CELSR1: variants seen among roughly 807,000 people sequenced by gnomAD.
CELSR1 encodes cadherin EGF LAG seven-pass G-type receptor 1.
Under a neutral mutation model 249.1 loss-of-function variants are expected in CELSR1, and 110 were observed. That is an observed-to-expected ratio of 0.44 (90% CI 0.38 to 0.52). CELSR1 has a LOEUF of 0.52. Ranked by LOEUF, CELSR1 falls within the 20% of genes least tolerant of loss-of-function variation. CELSR1 has a pLI of 0.00. For missense variants in CELSR1, 4,109 were observed against 4,296.4 expected (o/e 0.96, Z 1.22); for synonymous variants, 2,113 against 1,900.0 (o/e 1.11, Z -2.92).
intron 25 of CELSR1, among the ~76,000 whole-genome samples, chr22:46,371,065 G>A (rs940983130): frequency 6.6e-6 from 1 of 152,198 alleles, no homozygotes; most frequent in African/African-American, 2.4e-5. Context: ...CTCACAGTAA[G>A]CACCTAATCT....
Position 46,405,323 on chromosome 22 carries a change from C to T in CELSR1, c.5226+3673G>A, listed in dbSNP as rs553977894. On this transcript the variant is annotated intron_variant, in intron 9 of 34. Coordinates refer to ENST00000674500, the MANE Select transcript of CELSR1 (RefSeq NM_001378328.1). ...AAAATACAAAAAATTAGCCAGGCGT[C>T]GTGGCAGGGGCCTGTAGCCCCAACT... 5.3e-5 allele frequency among the ~76,000 whole-genome samples: 8 copies of T among 151,344 alleles called. No homozygotes were observed. In the East Asian group the frequency reaches 1.6e-3, roughly 30 times the overall value.
intron 1 of CELSR1, among the ~76,000 whole-genome samples, chr22:46,521,056 T>C (rs2080680139): frequency 6.6e-6 from 1 of 152,198 alleles, no homozygotes; most frequent in Non-Finnish European, 1.5e-5. Flanking sequence ...TGTCAGAATT[T>C]CCGTCCTTTT....
rs1223564654 is a variant in CELSR1 at position 46,441,763 on chromosome 22, A to G, written c.4184-2352T>C. Among the ~76,000 whole-genome samples, 1 of 152,242 alleles carries G rather than the reference A, an allele frequency of 6.6e-6. No homozygotes were observed. The highest frequency in any genetic ancestry group is 2.4e-5 in the African/African-American group (1 of 41,468). ...CCTGGGGCATAGGGCTTCAATGTAG[A>G]AATTTATGAGGGCACCATTCTGTCC... On this transcript the variant is annotated intron_variant, in intron 2 of 34. Transcript: ENST00000674500. This position sits in a 1 kb window ranked among gnomAD's most constrained non-coding sequence, Gnocchi z 6.1.
chr22:46,535,260 AC>A lies in CELSR1; in HGVS notation c.1910del (p.Gly637ValfsTer31). The A allele has an allele frequency of 6.2e-7, 1 of 1,610,208 alleles. No individual in the cohort carries two copies. ...DFPFQIHNSS[G>X]WITVCAELDR... ...CCAGCTCGGCACACACTGTGATCCA[AC>A]CGGAGCTGTTGTGGATCTGGAAGGG... On this transcript the variant is annotated frameshift_variant, in exon 1 of 35. Transcript: ENST00000674500. LOFTEE classifies it high-confidence loss of function.
At position 46,529,862 on chromosome 22, in the gene CELSR1, T is replaced by A. The variant is rs200036626; in HGVS notation, c.3544+3765A>T. Reference sequence around the variant, plus strand: ...CCAACAGTGAGACTACAGTCAATAATAATTTAATTGTACATTCAAAAATAA... The same window carrying A: ...CCAACAGTGAGACTACAGTCAATAAAAATTTAATTGTACATTCAAAAATAA... On this transcript the variant is annotated intron_variant, in intron 1 of 34. Coordinates refer to ENST00000674500, the MANE Select transcript of CELSR1 (RefSeq NM_001378328.1). 3.3e-5 allele frequency among the ~76,000 whole-genome samples: 5 copies of A among 151,600 alleles called. No homozygotes were observed. The East Asian group carries it at 9.7e-4, about 29-fold the overall frequency.
intron 27 of CELSR1, among the ~76,000 whole-genome samples, chr22:46,368,110 G>A (rs2078808185): frequency 6.6e-6 from 1 of 152,172 alleles, no homozygotes; most frequent in South Asian, 2.1e-4. Context: ...GAGAAAACAG[G>A]AGCTGTGAGG....
intron 25 of CELSR1, 122 bp from the exon 26 acceptor site, chr22:46,369,926 G>C (rs9627428): frequency 0.1 from 86,237 of 825,530 alleles, 8,154 homozygotes; most frequent in African/African-American, 0.42. Context: ...AGAGGAAGGA[G>C]CAAGGAGTCC....
chr22:46,536,355 G>T lies in CELSR1; in HGVS notation c.816C>A (p.Thr272=). 6.2e-7 allele frequency: 1 copy of T among 1,612,336 alleles called. No homozygotes were observed. The highest frequency in any genetic ancestry group is 8.5e-7 in the Non-Finnish European group (1 of 1,179,506). ...TLILQLHAHY[T]IEGEEERVSY... ...TCACGCGCTCCTCCTCGCCCTCGATGGTGTAGTGCGCGTGCAGCTGGAGGA... is the reference window on the plus strand; with the variant it reads ...TCACGCGCTCCTCCTCGCCCTCGATTGTGTAGTGCGCGTGCAGCTGGAGGA... The change falls in exon 1 of 35, where the codon ACC becomes ACA. Residue 272 remains threonine, a synonymous_variant. Transcript: ENST00000674500.
rs372343268 is a variant in CELSR1 at position 46,503,347 on chromosome 22, C to T, written c.3544+30280G>A. On this transcript the variant is annotated intron_variant, in intron 1 of 34. Coordinates refer to ENST00000674500, the MANE Select transcript of CELSR1 (RefSeq NM_001378328.1). The stretch of plus-strand genomic sequence containing the variant: ...AGGGCAGCTGAGAGGGTGCTGAGCA[C>T]GCAGGACGGGAGCCACACCTGTACT... Among the ~76,000 whole-genome samples, 31 of 152,328 alleles carry T rather than the reference C, an allele frequency of 2.0e-4. 1 individual carries two copies. Among genetic ancestry groups the T allele is most frequent in the Admixed American group, 5.2e-4 (8 of 15,296 alleles).
chr22:46,386,236 C>A (rs912887647), intron 19 of CELSR1, among the ~76,000 whole-genome samples, 166 bp downstream of exon 19: 15 of 152,204 alleles, frequency 9.9e-5, no homozygotes, highest in Admixed American at 7.9e-4. Context: ...TCCCAAAGTG[C>A]TGGGATTACA....
chr22:46,451,301 C>T (rs899568173), intron 2 of CELSR1, among the ~76,000 whole-genome samples: 5 of 152,174 alleles, frequency 3.3e-5, no homozygotes, highest in Admixed American at 6.5e-5. Flanking sequence ...CAGGGGAGCC[C>T]GGCACTGCAG....
intron 23 of CELSR1, among the ~76,000 whole-genome samples, chr22:46,378,358 T>C (rs924273172): frequency 2.3e-4 from 35 of 152,328 alleles, no homozygotes; most frequent in Admixed American, 3.3e-4. Context: ...AATGGGGCTT[T>C]GTTATGGAAA....
rs903394714 is a variant in CELSR1, at chr22:46,472,432, C to T, written c.3545-8087G>A. On this transcript the variant is annotated intron_variant, in intron 1 of 34. Coordinates refer to ENST00000674500, the MANE Select transcript of CELSR1 (RefSeq NM_001378328.1). The surrounding 1 kb of genome is among the most constrained non-coding windows in gnomAD (Gnocchi z 7.0). ...GGGACAGGGGACAGTGCCGCAGTTCCGAGACTCGGTGGCAGGTGATTGGCG... is the reference window on the plus strand; with the variant it reads ...GGGACAGGGGACAGTGCCGCAGTTCTGAGACTCGGTGGCAGGTGATTGGCG... Among the ~76,000 whole-genome samples, 9 of 152,072 alleles carry T rather than the reference C, an allele frequency of 5.9e-5. No homozygotes were observed. Among genetic ancestry groups the T allele is most frequent in the South Asian group, 2.1e-4 (1 of 4,810 alleles).
intron 22 of CELSR1, among the ~76,000 whole-genome samples, chr22:46,379,334 C>T (rs752342158): frequency 9.2e-5 from 14 of 152,182 alleles, no homozygotes; most frequent in Non-Finnish European, 1.9e-4. Flanking sequence ...GCCCTGCCCT[C>T]GCAGACTCTG....
chr22:46,537,202 G>T lies in CELSR1; in HGVS notation c.-32C>A. The T allele has an allele frequency of 9.8e-7, 1 of 1,017,420 alleles. No homozygotes were observed. The highest frequency in any genetic ancestry group is 4.5e-5 in the South Asian group (1 of 22,404). The allele number at this position is 1,017,420 out of a possible 1,614,324, so 63.0% of individuals were successfully genotyped here. ...GAGCCCGAGCCCGAGCCGGGCGCCC[G>T]AACACAATCCATGCACCCGGCGCGC... On this transcript the variant is annotated 5_prime_UTR_variant, in exon 1 of 35. Transcript: ENST00000674500. This position sits in a 1 kb window ranked among gnomAD's most constrained non-coding sequence, Gnocchi z 5.8.
At chr22:46,476,997 T>C (rs1230267129) in intron 1 of CELSR1, among the ~76,000 whole-genome samples, 4 of 152,214 alleles carry the variant, frequency 2.6e-5, no homozygotes, top group Admixed American at 2.0e-4. Flanking sequence ...TTGTCTTATT[T>C]TGGCGTGACA....
At position 46,446,614 on chromosome 22, in the gene CELSR1, G is replaced by C. The variant is rs977032130; in HGVS notation, c.4184-7203C>G. 4.1e-5 allele frequency among the ~76,000 whole-genome samples: 6 copies of C among 148,004 alleles called. No individual in the cohort carries two copies. The highest frequency in any genetic ancestry group is 7.4e-5 in the Non-Finnish European group (5 of 67,974). On this transcript the variant is annotated intron_variant, in intron 2 of 34. Transcript: ENST00000674500. This position sits in a 1 kb window ranked among gnomAD's most constrained non-coding sequence, Gnocchi z 5.5. ...GCAGGGAGGGTCGCAGGGGGTCGGT[G>C]GGGGGGAAAGCTGGGTCCATAGCAG... is the stretch of plus-strand genomic sequence containing the variant.
At chr22:46,507,827 C>T (rs1027660158) in intron 1 of CELSR1, among the ~76,000 whole-genome samples, 1 of 151,650 alleles carries the variant, frequency 6.6e-6, no homozygotes, top group African/African-American at 2.4e-5. Flanking sequence ...CAGAACCTAA[C>T]ACAGCCCAGA....
At chr22:46,496,031 T>C (rs529931842) in intron 1 of CELSR1, among the ~76,000 whole-genome samples, 2 of 150,746 alleles carry the variant, frequency 1.3e-5, no homozygotes, top group African/African-American at 2.4e-5. Context: ...CTGTCTCTAC[T>C]AAAAATATAA....
Sources: gnomAD v4.1 joint callset for allele counts (sites outside exome capture counted in the v4.1 genomes callset) on GRCh38, gnomAD v4.1.1 for gene constraint, Gnocchi (gnomAD v3.1) non-coding constraint, MANE v1.5 for transcripts, NCBI Gene and HGNC (gene_info 2026-07-23, HGNC 2026-07-21) for gene names.